Variants in BCAR1 observed in about 807,000 individuals in gnomAD.
BCAR1 encodes breast cancer anti-estrogen resistance protein 1.
In BCAR1, 30 loss-of-function variants were observed where a neutral mutation model predicts 67.6. That is an observed-to-expected ratio of 0.44 (90% CI 0.33 to 0.60). The LOEUF (loss-of-function observed/expected upper bound fraction) is 0.60, where lower values mean the gene tolerates loss of function less well. BCAR1 is among the 20% of genes least tolerant of loss of function. The probability of loss-of-function intolerance (pLI) is 0.02; values close to 1 mark genes in which losing one functional copy is unlikely to be tolerated. For missense variants in BCAR1, 1,313 were observed against 1,222.3 expected (o/e 1.07, Z -1.11); for synonymous variants, 626 against 556.7 (o/e 1.12, Z -1.75).
chr16:75,251,369 C>G, intron 1 of BCAR1, 102 bp downstream of exon 1: 1 of 1,423,102 alleles, frequency 7.0e-7, no homozygotes, highest in South Asian at 1.3e-5. Flanking sequence ...CGGCGGTTCC[C>G]AGGCCCCGCA....
upstream of BCAR1, chr16:75,252,339 T>C: frequency 6.5e-7 from 1 of 1,535,238 alleles, no homozygotes; most frequent in Non-Finnish European, 8.7e-7. Context: ...CTGGGCCTAG[T>C]ACCCTCCTGA....
chr16:75,239,765 T>C (rs2077273758), intron 2 of BCAR1, among the ~76,000 whole-genome samples: 1 of 151,958 alleles, frequency 6.6e-6, no homozygotes, highest in Non-Finnish European at 1.5e-5. Flanking sequence ...GCCACCACCA[T>C]AGCCCGCTCC....
At chr16:75,250,432 T>C (rs1176411496) in intron 1 of BCAR1, among the ~76,000 whole-genome samples, 2 of 151,940 alleles carry the variant, frequency 1.3e-5, no homozygotes, top group Non-Finnish European at 2.9e-5. Flanking sequence ...ATGGGAAACA[T>C]CTCACTAGCA....
intron 1 of BCAR1, among the ~76,000 whole-genome samples, chr16:75,260,516 C>A (rs550186676): frequency 6.6e-6 from 1 of 151,814 alleles, no homozygotes; most frequent in Non-Finnish European, 1.5e-5. Flanking sequence ...TGCCTGTAAT[C>A]CCAGCTACTT....
chr16:75,267,487 G>A (rs1160179820), intron 1 of BCAR1, among the ~76,000 whole-genome samples: 1 of 144,444 alleles, frequency 6.9e-6, no homozygotes, highest in Non-Finnish European at 1.5e-5. Context: ...GTGCCCACCC[G>A]CCCGCATCCA....
At chr16:75,263,337 T>A in intron 1 of BCAR1, 1 of 985,398 alleles carries the variant, frequency 1.0e-6, no homozygotes. Context: ...GGGTGGCACA[T>A]TTCCTTCCAA....
chr16:75,244,576 A>T (rs561709308), intron 1 of BCAR1, among the ~76,000 whole-genome samples: 3 of 152,260 alleles, frequency 2.0e-5, no homozygotes, highest in South Asian at 4.1e-4. Context: ...AGGATCAGAC[A>T]TTCAGACCCC....
intron 1 of BCAR1, among the ~76,000 whole-genome samples, chr16:75,260,311 G>A (rs922331595): frequency 7.9e-5 from 12 of 152,024 alleles, no homozygotes; most frequent in Admixed American, 2.0e-4. Flanking sequence ...ATTTTGATTC[G>A]ATTGATGGCT....
intron 1 of BCAR1, chr16:75,264,163 G>A (rs1478216461): frequency 2.7e-5 from 36 of 1,327,034 alleles, no homozygotes; most frequent in Non-Finnish European, 3.5e-5. Context: ...ATGAGGCACA[G>A]TGCCAAAGAA....
intron 2 of BCAR1, 99 bp from the exon 3 acceptor site, chr16:75,237,443 G>T: frequency 7.4e-7 from 1 of 1,350,882 alleles, no homozygotes; most frequent in Non-Finnish European, 9.6e-7. Flanking sequence ...GGTGGGCAGG[G>T]CACACCAGGT....
At chr16:75,236,850 C>A in intron 4 of BCAR1, 32 bp downstream of exon 4, 2 of 1,606,284 alleles carry the variant, frequency 1.2e-6, no homozygotes, top group Non-Finnish European at 1.7e-6. Flanking sequence ...CAGCCTCAGC[C>A]TGGCCCTGGC....
intron 1 of BCAR1, chr16:75,264,709 C>A: frequency 8.4e-7 from 1 of 1,194,946 alleles, no homozygotes; most frequent in Non-Finnish European, 1.0e-6. Context: ...TGCACTCACT[C>A]TGGGATAGTT....
At chr16:75,251,278 C>A (rs1011575700) in intron 1 of BCAR1, among the ~76,000 whole-genome samples, 193 bp downstream of exon 1, 2 of 151,972 alleles carry the variant, frequency 1.3e-5, no homozygotes, top group Non-Finnish European at 2.9e-5. Flanking sequence ...CCGAGGCGCA[C>A]AGGCTCCGGA....
At chr16:75,267,499 C>G (rs911126227) in intron 1 of BCAR1, among the ~76,000 whole-genome samples, 18 of 152,170 alleles carry the variant, frequency 1.2e-4, no homozygotes, top group Non-Finnish European at 2.5e-4. Context: ...CCGCATCCAG[C>G]TGGCACAGGG....
intron 6 of BCAR1, among the ~76,000 whole-genome samples, chr16:75,231,029 GGT>G (rs534062483): frequency 2.5e-4 from 38 of 150,008 alleles, no homozygotes; most frequent in Non-Finnish European, 5.2e-4. Context: ...AGCTTTGTGG[GGT>G]TTTTTTTTTT....
chr16:75,248,260 C>G (rs557833204), intron 1 of BCAR1: 551 of 1,471,588 alleles, frequency 3.7e-4, no homozygotes, highest in Non-Finnish European at 4.4e-4. Context: ...CCTGTCCACG[C>G]CCCCAACGCA....
intron 1 of BCAR1, among the ~76,000 whole-genome samples, chr16:75,257,830 C>T (rs745759746): frequency 1.1e-4 from 17 of 152,166 alleles, no homozygotes; most frequent in Non-Finnish European, 1.3e-4. Flanking sequence ...GAGCCTATGC[C>T]GGCCTATAGA....
intron 1 of BCAR1, among the ~76,000 whole-genome samples, chr16:75,244,479 C>G (rs1187533974): frequency 6.6e-6 from 1 of 152,234 alleles, no homozygotes; most frequent in African/African-American, 2.4e-5. Context: ...GGACAGTGCC[C>G]CTCTGAGCGC....
intron 3 of BCAR1, 22 bp from the exon 4 acceptor site, chr16:75,237,020 G>C (rs376029453): frequency 2.6e-5 from 41 of 1,568,380 alleles, no homozygotes; most frequent in Non-Finnish European, 3.6e-5. Context: ...ACAGTGCAGG[G>C]TTAACGGCGC....
Sources: gnomAD v4.1 joint callset for allele counts (sites outside exome capture counted in the v4.1 genomes callset) on GRCh38, gnomAD v4.1.1 for gene constraint, MANE v1.5 for transcripts, NCBI Gene and HGNC (gene_info 2026-07-23, HGNC 2026-07-21) for gene names.